The following LMLN variants were observed in gnomAD, a reference collection of about 807,000 sequenced individuals.
LMLN encodes leishmanolysin like peptidase.
In LMLN, 70 loss-of-function variants were observed where a neutral mutation model predicts 92.3. That is an observed-to-expected ratio of 0.76 (90% CI 0.63 to 0.92). LMLN has a LOEUF of 0.92. Among genes scored for constraint, LMLN ranks in the 40% least tolerant of loss-of-function variants. The pLI, the probability that LMLN is intolerant of heterozygous loss-of-function variation, is 0.00. For synonymous variants in LMLN, 308 were observed against 296.2 expected (o/e 1.04, Z -0.41); for missense variants, 691 against 814.6 (o/e 0.85, Z 1.85).
Position 197,983,975 on chromosome 3 carries a change from A to G in LMLN, c.761A>G (p.Asn254Ser), listed in dbSNP as rs750267157. ...GCAGGATATGCTAACCTGTGTCCAA[A>G]TATGATCTCTACCCAGCCTCAGGAG... is the stretch of plus-strand genomic sequence containing the variant. Residue 254 changes from asparagine (N) to serine (S), a missense_variant, in exon 7 of 16, where the codon AAT becomes AGT. By Grantham distance (46) the Asn-to-Ser change is conservative. Transcript: ENST00000330198. 1.4e-5 allele frequency: 23 copies of G among 1,613,712 alleles called. No individual in the cohort carries two copies. The South Asian group carries it at 2.3e-4, about 16-fold the overall frequency.
intron 12 of LMLN, 40 bp from the exon 14 acceptor site, chr3:198,021,406 T>C: frequency 1.3e-6 from 2 of 1,592,030 alleles, no homozygotes; most frequent in South Asian, 1.1e-5. Flanking sequence ...TTATACAGAA[T>C]GTTTCTTACT....
chr3:197,996,492 C>T (rs531387849), intron 10 of LMLN: 18 of 328,694 alleles, frequency 5.5e-5, no homozygotes, highest in East Asian at 1.4e-4. Context: ...TGCAAACACA[C>T]GCTGAATTGT....
intron 3 of LMLN, among the ~76,000 whole-genome samples, chr3:197,975,536 C>T (rs7375090): frequency 6.6e-6 from 1 of 152,066 alleles, no homozygotes; most frequent in Admixed American, 6.5e-5. Flanking sequence ...CATGCACGCA[C>T]ACATGCACAC....
chr3:197,997,314 C>T (rs1213008574), intron 10 of LMLN, among the ~76,000 whole-genome samples: 9 of 149,902 alleles, frequency 6.0e-5, no homozygotes, highest in Non-Finnish European at 3.0e-5. Flanking sequence ...TTTGTTCTTT[C>T]AGTAGAGATG....
At chr3:198,043,515 T>C (rs1291302438) in exon 16 of LMLN, 3 of 152,664 alleles carry the variant, frequency 2.0e-5, no homozygotes, top group Admixed American at 6.5e-5. Context: ...GAAGTCTGTG[T>C]TACTCATTCT....
intron 11 of LMLN, among the ~76,000 whole-genome samples, chr3:198,013,864 C>G (rs1340718498): frequency 4.2e-5 from 6 of 143,684 alleles, no homozygotes; most frequent in Admixed American, 6.8e-5. Context: ...AGTCTGACTT[C>G]TCTGTACCCT....
intron 7 of LMLN, 83 bp downstream of exon 7, chr3:197,984,131 T>TAAAGTGGAA: frequency 1.2e-6 from 1 of 835,538 alleles, no homozygotes; most frequent in Non-Finnish European, 2.0e-6. Flanking sequence ...ATATTCCACT[T>TAAAGTGGAA]TAAGATGATG....
chr3:198,026,223 T>C (rs1333210510), intron 14 of LMLN, among the ~76,000 whole-genome samples: 1 of 152,198 alleles, frequency 6.6e-6, no homozygotes, highest in African/African-American at 2.4e-5. Context: ...CCCAAAGTGC[T>C]GGGACTACAG....
chr3:197,978,582 A>G (rs1163734527), intron 5 of LMLN, among the ~76,000 whole-genome samples: 2 of 152,134 alleles, frequency 1.3e-5, no homozygotes, highest in Non-Finnish European at 2.9e-5. Flanking sequence ...GGTTGCAGTG[A>G]GCTATGATCT....
At chr3:198,000,643 G>A (rs1338012229) in intron 11 of LMLN, among the ~76,000 whole-genome samples, 1 of 152,018 alleles carries the variant, frequency 6.6e-6, no homozygotes, top group Non-Finnish European at 1.5e-5. Context: ...GGCCAGGCTG[G>A]TCTGGAACTC....
rs138579382 is a variant in LMLN, at chr3:198,037,974, C to A, written c.1868-593C>A. Among the ~76,000 whole-genome samples the A allele has an allele frequency of 2.3e-4, 35 of 151,804 alleles. No individual in the cohort carries two copies. The East Asian group carries it at 5.6e-3, about 24-fold the overall frequency. On this transcript the variant is annotated intron_variant, in intron 15 of 15. Coordinates refer to ENST00000330198, the Ensembl canonical transcript of LMLN. ...TATTAATAGTCCTCTCGCTTGCATC[C>A]TCACAGTCCGTCTGCCTATTGTCGT...
chr3:197,999,429 TATG>T, intron 11 of LMLN, 87 bp downstream of exon 11: 1 of 884,974 alleles, frequency 1.1e-6, no homozygotes, highest in Non-Finnish European at 1.9e-6. Context: ...GCTGACATTT[TATG>T]CTGAAGCAAA....
chr3:197,968,365 G>A (rs951293304), intron 1 of LMLN, among the ~76,000 whole-genome samples: 35 of 152,090 alleles, frequency 2.3e-4, no homozygotes, highest in African/African-American at 7.0e-4. Context: ...AGCTACTTGG[G>A]AGGCTGAGGC....
chr3:197,991,971 CCTG>C (rs1185142015), intron 9 of LMLN, among the ~76,000 whole-genome samples: 1 of 150,404 alleles, frequency 6.6e-6, no homozygotes, highest in Non-Finnish European at 1.5e-5. Flanking sequence ...AAGTGATTCT[CCTG>C]CCTCAGCCTC....
exon 16 of LMLN, chr3:198,038,663 A>G (rs1419400682): frequency 6.2e-7 from 1 of 1,606,028 alleles, no homozygotes; most frequent in Non-Finnish European, 8.5e-7. Flanking sequence ...TGTATATGGC[A>G]CTAGGAATGG....
chr3:197,988,901 T>G (rs570844936), intron 8 of LMLN, among the ~76,000 whole-genome samples: 20 of 152,280 alleles, frequency 1.3e-4, no homozygotes, highest in Admixed American at 1.1e-3. Flanking sequence ...AGGTTTGGTC[T>G]CATACTCCTG....
Position 197,996,163 on chromosome 3 carries a change from T to G in LMLN, c.1048-12T>G, listed in dbSNP as rs776656084. The stretch of plus-strand genomic sequence containing the variant: ...TACCATATTTGTTTCTGATTTTTTT[T>G]CTGGTTCTTAGGAGGAAGCACGAAA... On this transcript the variant is annotated splice_polypyrimidine_tract_variant and intron_variant, in intron 9 of 15. Coordinates refer to ENST00000330198, the Ensembl canonical transcript of LMLN. 28 of 1,502,306 alleles carry G rather than the reference T, an allele frequency of 1.9e-5. No homozygotes were observed. The South Asian group carries it at 3.2e-4, about 17-fold the overall frequency. The allele number at this position is 1,502,306 out of a possible 1,614,324, so 93.1% of individuals were successfully genotyped here. A position where few individuals can be genotyped will look rare whatever the true frequency, so the allele number is the denominator to read the frequency against.
intron 3 of LMLN, 38 bp downstream of exon 3, chr3:197,975,110 A>C (rs1446164218): frequency 8.6e-7 from 1 of 1,156,578 alleles, no homozygotes; most frequent in African/African-American, 1.6e-5. Flanking sequence ...TTGGACACTT[A>C]AAATTTTATT....
intron 1 of LMLN, among the ~76,000 whole-genome samples, chr3:197,967,736 T>C (rs1038412205): frequency 6.6e-6 from 1 of 152,232 alleles, no homozygotes; most frequent in Non-Finnish European, 1.5e-5. Flanking sequence ...CTGAGGGTAC[T>C]GCAGGAGACC....
Sources: allele counts gnomAD v4.1 joint callset (sites outside exome capture counted in the v4.1 genomes callset), GRCh38; gene constraint gnomAD v4.1.1; transcripts MANE v1.5; gene names NCBI Gene and HGNC (gene_info 2026-07-23, HGNC 2026-07-21).